EPHA6: variants seen among roughly 807,000 people sequenced by gnomAD.
EPHA6 encodes the protein ephrin type-A receptor 6.
In EPHA6, 50 loss-of-function variants were observed where a neutral mutation model predicts 112.0. That is an observed-to-expected ratio of 0.45 (90% CI 0.36 to 0.56). The LOEUF (loss-of-function observed/expected upper bound fraction) is 0.56. Ranked by LOEUF, EPHA6 falls within the 20% of genes least tolerant of loss-of-function variation. The probability of loss-of-function intolerance (pLI) is 0.00; values close to 1 mark genes in which losing one functional copy is unlikely to be tolerated. For synonymous variants in EPHA6, 529 were observed against 490.7 expected, an observed-to-expected ratio of 1.08 and a Z score of -1.03; for missense variants, 1,280 against 1,417.4, an observed-to-expected ratio of 0.90 and a Z score of 1.56.
chr3:96,966,201 A>G (rs886839741), intron 2 of EPHA6, among the ~76,000 whole-genome samples: 1 of 152,154 alleles, frequency 6.6e-6, no homozygotes, highest in African/African-American at 2.4e-5. Context: ...AATTGAATTT[A>G]TAGATAAAAC....
intron 11 of EPHA6, among the ~76,000 whole-genome samples, chr3:97,582,512 A>G (rs2093447694): frequency 6.6e-6 from 1 of 152,088 alleles, no homozygotes; most frequent in South Asian, 2.1e-4. Flanking sequence ...CATGCAAAAA[A>G]TAGCTACCTG....
intron 3 of EPHA6, among the ~76,000 whole-genome samples, chr3:97,152,739 A>G (rs1223177373): frequency 6.6e-6 from 1 of 152,070 alleles, no homozygotes; most frequent in Non-Finnish European, 1.5e-5. Context: ...TTCATTGCCC[A>G]TTTTTGTCCT....
intron 3 of EPHA6, among the ~76,000 whole-genome samples, chr3:97,103,563 G>A (rs1285237133): frequency 6.6e-6 from 1 of 151,928 alleles, no homozygotes; most frequent in Non-Finnish European, 1.5e-5. Flanking sequence ...GGTTGAAGTC[G>A]GGTTATATGA....
At chr3:96,958,116 C>A (rs1174128682) in intron 2 of EPHA6, among the ~76,000 whole-genome samples, 2 of 152,054 alleles carry the variant, frequency 1.3e-5, no homozygotes, top group Non-Finnish European at 2.9e-5. Flanking sequence ...CATGGTGAAA[C>A]CCCATCTCTA....
At chr3:96,943,595 A>G (rs1035059870) in intron 2 of EPHA6, among the ~76,000 whole-genome samples, 7 of 152,258 alleles carry the variant, frequency 4.6e-5, no homozygotes, top group African/African-American at 1.4e-4. Context: ...ATTTAAAAAC[A>G]TAAGCAGTTA....
intron 7 of EPHA6, among the ~76,000 whole-genome samples, chr3:97,449,692 A>AACTT (rs1361488842): frequency 2.6e-5 from 4 of 152,120 alleles, no homozygotes; most frequent in Non-Finnish European, 5.9e-5. Context: ...AAATTTAAGC[A>AACTT]ACTAGTAAGA....
intron 2 of EPHA6, among the ~76,000 whole-genome samples, chr3:96,963,922 A>G (rs1196329095): frequency 6.6e-6 from 1 of 152,136 alleles, no homozygotes; most frequent in Non-Finnish European, 1.5e-5. Flanking sequence ...TATTCCAGAC[A>G]TCCAAATCTC....
intron 3 of EPHA6, among the ~76,000 whole-genome samples, chr3:97,044,325 A>G (rs2045428036): frequency 6.6e-6 from 1 of 152,312 alleles, no homozygotes; most frequent in East Asian, 1.9e-4. Context: ...AATGAAATTA[A>G]CTTTTGACTA....
Position 97,324,607 on chromosome 3 carries a change from C to T in EPHA6, c.1606+80320C>T, listed in dbSNP as rs540860965. 1.3e-3 allele frequency among the ~76,000 whole-genome samples: 200 copies of T among 150,366 alleles called. 1 individual carries two copies. The highest frequency in any genetic ancestry group is 4.5e-3 in the African/African-American group (184 of 40,860). ...AGGCTGGAGTGCAATAGTATGATCT[C>T]GGCTCACTGCAACCTCCACCTCCTG... On this transcript the variant is annotated intron_variant, in intron 5 of 17. Coordinates refer to ENST00000389672, the MANE Select transcript of EPHA6 (RefSeq NM_001080448.3).
intron 3 of EPHA6, among the ~76,000 whole-genome samples, chr3:97,090,323 T>G (rs1243295219): frequency 1.3e-5 from 2 of 152,094 alleles, no homozygotes; most frequent in Admixed American, 1.3e-4. Flanking sequence ...ATAGCATGGT[T>G]TGTTTGTATA....
intron 5 of EPHA6, among the ~76,000 whole-genome samples, chr3:97,369,603 T>C (rs1464960298): frequency 6.6e-6 from 1 of 152,184 alleles, no homozygotes; most frequent in Non-Finnish European, 1.5e-5. Context: ...GCCTTTAACC[T>C]GAAATTGCTC....
chr3:97,288,071 GAAAAAA>G (rs1325072185), intron 5 of EPHA6, among the ~76,000 whole-genome samples: 26 of 122,220 alleles, frequency 2.1e-4, no homozygotes, highest in African/African-American at 1.0e-3. Flanking sequence ...AAAAAAAAAA[GAAAAAA>G]GAAAAAAGAA....
chr3:97,209,916 T>G (rs2077820978), intron 3 of EPHA6, among the ~76,000 whole-genome samples: 1 of 152,220 alleles, frequency 6.6e-6, no homozygotes, highest in African/African-American at 2.4e-5. Flanking sequence ...GACGAATGTC[T>G]TACTTATTTT....
rs74886800 is a variant in EPHA6 at position 97,365,078 on chromosome 3, T to C, written c.1607-40072T>C. ...GACCTGCTCTACTTGATATACAGAA[T>C]GCAATCACGGAAAATGAAAGATGTA... On this transcript the variant is annotated intron_variant, in intron 5 of 17. Coordinates refer to ENST00000389672, the MANE Select transcript of EPHA6 (RefSeq NM_001080448.3). 3.7e-4 allele frequency among the ~76,000 whole-genome samples: 56 copies of C among 152,270 alleles called. No individual in the cohort carries two copies. In the East Asian group the frequency reaches 0.011, roughly 29 times the overall value.
At chr3:97,059,635 G>C (rs1479805959) in intron 3 of EPHA6, among the ~76,000 whole-genome samples, 1 of 150,714 alleles carries the variant, frequency 6.6e-6, no homozygotes, top group Non-Finnish European at 1.5e-5. Context: ...TTTTGTTGTT[G>C]TGAATTTTAT....
At chr3:97,126,260 G>T (rs144249875) in intron 3 of EPHA6, among the ~76,000 whole-genome samples, 520 of 152,200 alleles carry the variant, frequency 3.4e-3, no homozygotes, top group African/African-American at 0.012. Context: ...TAATGGCCAG[G>T]GGATTGTAGT....
intron 3 of EPHA6, among the ~76,000 whole-genome samples, chr3:97,130,611 C>T (rs1427943673): frequency 6.6e-6 from 1 of 152,106 alleles, no homozygotes; most frequent in Non-Finnish European, 1.5e-5. Context: ...CACTTATACA[C>T]ATCCTAATTT....
At chr3:97,169,334 A>G (rs1351579105) in intron 3 of EPHA6, among the ~76,000 whole-genome samples, 2 of 152,186 alleles carry the variant, frequency 1.3e-5, no homozygotes, top group Non-Finnish European at 2.9e-5. Context: ...ACAAGATACA[A>G]TAGCAGGTTC....
chr3:97,115,827 G>A (rs1271082760), intron 3 of EPHA6, among the ~76,000 whole-genome samples: 1 of 151,782 alleles, frequency 6.6e-6, no homozygotes, highest in Non-Finnish European at 1.5e-5. Context: ...TAAGAATATT[G>A]TGGGGCAAAA....
Sources: allele counts gnomAD v4.1 joint callset (sites outside exome capture counted in the v4.1 genomes callset), GRCh38; gene constraint gnomAD v4.1.1; transcripts MANE v1.5; gene names NCBI Gene and HGNC (gene_info 2026-07-23, HGNC 2026-07-21).